Variants in ANKRD30B observed in about 807,000 individuals in gnomAD.
ANKRD30B encodes the protein ankyrin repeat domain-containing protein 30B.
ANKRD30B carries 144 observed loss-of-function variants against 202.2 expected under a neutral mutation model. The observed-to-expected ratio is 0.71, with a 90% CI of 0.62 to 0.82. ANKRD30B has a LOEUF of 0.82. ANKRD30B is among the 40% of genes least tolerant of loss of function. ANKRD30B has a pLI of 0.00. For missense variants in ANKRD30B, 1,487 were observed against 1,669.1 expected, an observed-to-expected ratio of 0.89 and a Z score of 1.90; for synonymous variants, 508 against 561.3, an observed-to-expected ratio of 0.91 and a Z score of 1.34.
chr18:14,798,169 T>C (rs1299418911), intron 20 of ANKRD30B, among the ~76,000 whole-genome samples: 1 of 150,062 alleles, frequency 6.7e-6, no homozygotes, highest in African/African-American at 2.5e-5. Context: ...GAAAGCTGTG[T>C]CCAGGAGAAT....
At chr18:14,861,445 A>T in the ANKRD30B span, among the ~76,000 whole-genome samples, 1 of 151,572 alleles carries the variant, frequency 6.6e-6, no homozygotes, top group Non-Finnish European at 1.5e-5. Flanking sequence ...ACATAAATGA[A>T]AAACAAAAAA....
At chr18:14,898,801 T>A in the ANKRD30B span, among the ~76,000 whole-genome samples, 2 of 152,190 alleles carry the variant, frequency 1.3e-5, no homozygotes, top group Admixed American at 1.3e-4. Context: ...CCTCTGAAGC[T>A]ATGCAGAATA....
the ANKRD30B span, chr18:14,888,845 T>C: frequency 1.1e-6 from 1 of 942,914 alleles, no homozygotes; most frequent in Non-Finnish European, 1.6e-6. Context: ...ATATGTGTTG[T>C]AATGGTTTTC....
At chr18:14,808,632 T>C in intron 25 of ANKRD30B, 40 bp from the exon 26 acceptor site, 2 of 1,561,920 alleles carry the variant, frequency 1.3e-6, no homozygotes, top group Non-Finnish European at 1.7e-6. Context: ...TTTTGAAGTA[T>C]ACATTATATA....
At chr18:14,766,525 G>C (rs1450479332) in intron 7 of ANKRD30B, among the ~76,000 whole-genome samples, 1 of 102,874 alleles carries the variant, frequency 9.7e-6, no homozygotes, top group Non-Finnish European at 2.3e-5. Flanking sequence ...AAAGAAAATT[G>C]TCAGGTCAGC....
chr18:14,828,303 A>G lies in ANKRD30B; in HGVS notation c.2769A>G (p.Thr923=). ...AGGATGTGAGTTCTGTAGAGTCCAC[A>G]TTCAGGTAAGACTTTGCGGTTTTTT... ...KAEDVSSVES[T]FSLFGKPTTE... Residue 923 remains threonine (T), a synonymous_variant, in exon 33 of 44, where the codon ACA becomes ACG. Transcript: ENST00000690538. The G allele has an allele frequency of 6.5e-7, 1 of 1,533,674 alleles. No homozygotes were observed. The highest frequency in any genetic ancestry group is 8.8e-7 in the Non-Finnish European group (1 of 1,140,260).
rs1971758322 is a variant in ANKRD30B at position 14,848,796 on chromosome 18, C to G, written c.3262C>G (p.Gln1088Glu). The change falls in exon 40 of 44, where the codon CAA becomes GAA. Residue 1088 changes from glutamine to glutamate, a missense_variant. Gln to Glu is a conservative substitution (Grantham distance 29, BLOSUM62 2). Coordinates refer to ENST00000690538, the MANE Select transcript of ANKRD30B (RefSeq NM_001367607.2). ...GGAACTTAAAAAAGATAACTGTGAACAAATTACAGCAAAAATGGAACAAAC... is the reference window on the plus strand; with the variant it reads ...GGAACTTAAAAAAGATAACTGTGAAGAAATTACAGCAAAAATGGAACAAAC... ...GRELKKDNCEQITAKMEQTKN... is the reference protein window; with the variant it reads ...GRELKKDNCEEITAKMEQTKN... 4 of 1,575,562 alleles carry G rather than the reference C, an allele frequency of 2.5e-6. No individual in the cohort carries two copies. In the South Asian group the frequency reaches 4.7e-5, roughly 18 times the overall value.
the ANKRD30B span, among the ~76,000 whole-genome samples, chr18:14,922,612 G>A: frequency 3.5e-5 from 5 of 143,654 alleles, no homozygotes; most frequent in African/African-American, 7.9e-5. Context: ...CCAAGATCGC[G>A]CCACCGCACT....
At chr18:14,829,628 A>G (rs1379280716) in intron 33 of ANKRD30B, among the ~76,000 whole-genome samples, 5 of 152,226 alleles carry the variant, frequency 3.3e-5, no homozygotes, top group African/African-American at 4.8e-5. Flanking sequence ...AAAAACACAG[A>G]AGACATTGGG....
the ANKRD30B span, among the ~76,000 whole-genome samples, chr18:14,931,120 A>G: frequency 6.6e-6 from 1 of 152,226 alleles, no homozygotes; most frequent in African/African-American, 2.4e-5. Flanking sequence ...AGCTCTCTTC[A>G]GCAGTAATGA....
the ANKRD30B span, among the ~76,000 whole-genome samples, chr18:14,881,990 C>T: frequency 6.6e-6 from 1 of 152,058 alleles, no homozygotes; most frequent in Non-Finnish European, 1.5e-5. Flanking sequence ...TGGATTTTCT[C>T]TCTTCTTTTC....
the ANKRD30B span, among the ~76,000 whole-genome samples, chr18:14,939,924 G>A: frequency 2.0e-5 from 3 of 152,142 alleles, no homozygotes; most frequent in East Asian, 1.9e-4. Context: ...GCCCATGGAG[G>A]CATAATTAAT....
chr18:14,862,190 C>G, the ANKRD30B span, among the ~76,000 whole-genome samples: 3 of 151,036 alleles, frequency 2.0e-5, no homozygotes, highest in African/African-American at 7.3e-5. Context: ...AGAGAAAGAT[C>G]TCAAATTAAC....
the ANKRD30B span, among the ~76,000 whole-genome samples, chr18:14,897,027 G>A: frequency 2.6e-5 from 4 of 151,168 alleles, no homozygotes; most frequent in Admixed American, 6.6e-5. Flanking sequence ...GCCAAGGGAG[G>A]ATGTGAGGAA....
rs545536538 is a variant in ANKRD30B, at chr18:14,797,078, G to C, written c.1928-583G>C. ...TGGTTACAAACAATCCATAGAAACA[G>C]GATGTGAAGCTAGACAACTGGGTAG... On this transcript the variant is annotated intron_variant, in intron 18 of 43. Coordinates refer to ENST00000690538, the MANE Select transcript of ANKRD30B (RefSeq NM_001367607.2). Among the ~76,000 whole-genome samples the C allele has an allele frequency of 2.2e-4, 34 of 152,244 alleles. No individual in the cohort carries two copies. In the East Asian group the frequency reaches 5.8e-3, roughly 26 times the overall value.
intron 14 of ANKRD30B, among the ~76,000 whole-genome samples, chr18:14,786,343 T>A (rs1424023586): frequency 1.3e-5 from 2 of 152,186 alleles, no homozygotes; most frequent in Non-Finnish European, 2.9e-5. Context: ...CAATTATTTT[T>A]TCCTATACAT....
the ANKRD30B span, among the ~76,000 whole-genome samples, chr18:14,912,387 G>C: frequency 6.6e-6 from 1 of 152,238 alleles, no homozygotes; most frequent in East Asian, 1.9e-4. Flanking sequence ...TATAGTTTTT[G>C]TTCTTAATTC....
chr18:14,858,774 A>G, downstream of ANKRD30B, among the ~76,000 whole-genome samples: 1 of 137,848 alleles, frequency 7.3e-6, no homozygotes, highest in Non-Finnish European at 1.6e-5. Flanking sequence ...GCAGCCAGGC[A>G]GAGGGGCTCC....
chr18:14,811,461 T>C (rs1436565119), intron 28 of ANKRD30B, among the ~76,000 whole-genome samples: 1 of 150,930 alleles, frequency 6.6e-6, no homozygotes, highest in Non-Finnish European at 1.5e-5. Flanking sequence ...TCCACCCACC[T>C]CGGCCTCCTA....
Sources: gnomAD v4.1 joint callset for allele counts (sites outside exome capture counted in the v4.1 genomes callset) on GRCh38, gnomAD v4.1.1 for gene constraint, MANE v1.5 for transcripts, NCBI Gene and HGNC (gene_info 2026-07-23, HGNC 2026-07-21) for gene names.